GDPD5: variants seen among roughly 807,000 people sequenced by gnomAD.
GDPD5 encodes glycerophosphodiester phosphodiesterase 2.
GDPD5 carries 48 observed loss-of-function variants against 75.1 expected under a neutral mutation model. The observed-to-expected ratio is 0.64, with a 90% CI of 0.51 to 0.81. GDPD5 has a LOEUF of 0.81. GDPD5 is among the 40% of genes least tolerant of loss of function. GDPD5 has a pLI of 0.00. For missense variants in GDPD5, 706 were observed against 822.6 expected (o/e 0.86, Z 1.73); for synonymous variants, 336 against 339.0 (o/e 0.99, Z 0.10).
At chr11:75,482,803 T>C (rs916827327) in intron 2 of GDPD5, among the ~76,000 whole-genome samples, 3 of 152,164 alleles carry the variant, frequency 2.0e-5, no homozygotes, top group Non-Finnish European at 4.4e-5. Flanking sequence ...CCCATATCCC[T>C]GGCATGTCCC....
intron 2 of GDPD5, among the ~76,000 whole-genome samples, chr11:75,485,937 A>AC (rs1950013835): frequency 6.6e-6 from 1 of 151,612 alleles, no homozygotes. Flanking sequence ...ATGGAGAGAC[A>AC]CCCCCCTTCT....
chr11:75,500,903 ACTC>A (rs1302661175), intron 1 of GDPD5, among the ~76,000 whole-genome samples: 1 of 151,612 alleles, frequency 6.6e-6, no homozygotes, highest in African/African-American at 2.4e-5. Context: ...CACCACTCAA[ACTC>A]CTCCTGTAGG....
chr11:75,495,904 T>C (rs565481662), intron 1 of GDPD5, among the ~76,000 whole-genome samples: 1 of 152,376 alleles, frequency 6.6e-6, no homozygotes, highest in East Asian at 1.9e-4. Context: ...CAGCCAGCCC[T>C]GCCTTCCCCA....
At chr11:75,510,827 G>T (rs912910029) in intron 1 of GDPD5, among the ~76,000 whole-genome samples, 1 of 152,088 alleles carries the variant, frequency 6.6e-6, no homozygotes, top group African/African-American at 2.4e-5. Context: ...TCTGCCCAGG[G>T]TAATGGGTCC....
At chr11:75,496,720 C>A (rs1950215068) in intron 1 of GDPD5, among the ~76,000 whole-genome samples, 1 of 151,892 alleles carries the variant, frequency 6.6e-6, no homozygotes, top group African/African-American at 2.4e-5. Context: ...TGTACGCTAT[C>A]TGACGCCTCT....
intron 3 of GDPD5, among the ~76,000 whole-genome samples, chr11:75,475,183 A>ACT (rs1362064109): frequency 6.6e-6 from 1 of 152,042 alleles, no homozygotes; most frequent in Non-Finnish European, 1.5e-5. Context: ...ATGCCTCGTG[A>ACT]CTCTCCCACC....
At chr11:75,447,940 C>T (rs1160888927) in intron 9 of GDPD5, among the ~76,000 whole-genome samples, 2 of 152,220 alleles carry the variant, frequency 1.3e-5, no homozygotes, top group Admixed American at 1.3e-4. Flanking sequence ...CTGGGAGGGA[C>T]TGGGGTCAGC....
chr11:75,464,861 C>G (rs1320672671), intron 3 of GDPD5, among the ~76,000 whole-genome samples: 2 of 152,040 alleles, frequency 1.3e-5, no homozygotes, highest in Admixed American at 1.3e-4. Context: ...CAATCGAACC[C>G]TAGGAGCTGC....
rs147878338 is a variant in GDPD5, at chr11:75,498,411, G to A, written c.-144-8091C>T. On this transcript the variant is annotated intron_variant, in intron 1 of 16. Coordinates refer to ENST00000336898, the MANE Select transcript of GDPD5 (RefSeq NM_030792.8). ...GAAAAGCCAAATTCAACTCAGGTGG[G>A]GATGGGCCACAGTGGCTTTGATGTC... Among the ~76,000 whole-genome samples, 777 of 152,300 alleles carry A rather than the reference G, an allele frequency of 5.1e-3. 8 individuals carry two copies. The highest frequency in any genetic ancestry group is 0.018 in the African/African-American group (747 of 41,560).
intron 5 of GDPD5, 28 bp from the exon 6 acceptor site, chr11:75,456,844 C>T (rs752896226): frequency 6.2e-7 from 1 of 1,611,932 alleles, no homozygotes; most frequent in South Asian, 1.1e-5. Flanking sequence ...GGGTGATTGT[C>T]AGGCCCGTGT....
At chr11:75,455,261 G>T in intron 6 of GDPD5, 1 of 454,604 alleles carries the variant, frequency 2.2e-6, no homozygotes, top group Non-Finnish European at 4.4e-6. Flanking sequence ...AGCCCCACCC[G>T]GGGTGCCAGC....
chr11:75,495,278 C>T (rs1950189388), intron 1 of GDPD5, among the ~76,000 whole-genome samples: 1 of 150,114 alleles, frequency 6.7e-6, no homozygotes, highest in African/African-American at 2.4e-5. Context: ...CACACACACA[C>T]ACACACTATA....
intron 2 of GDPD5, chr11:75,479,239 C>G (rs1215775944): frequency 6.6e-6 from 1 of 152,244 alleles, no homozygotes; most frequent in Non-Finnish European, 1.5e-5. Flanking sequence ...TTGCCGATGA[C>G]AAACCTGGGG....
At chr11:75,439,160 G>T (rs1287753326) in intron 15 of GDPD5, among the ~76,000 whole-genome samples, 1 of 152,242 alleles carries the variant, frequency 6.6e-6, no homozygotes, top group Non-Finnish European at 1.5e-5. Flanking sequence ...CACGGCAGTG[G>T]GACGGGAGGA....
intron 2 of GDPD5, among the ~76,000 whole-genome samples, chr11:75,487,689 G>A (rs1372365179): frequency 1.3e-5 from 2 of 152,246 alleles, no homozygotes; most frequent in Admixed American, 6.5e-5. Flanking sequence ...AGAGGCGAAG[G>A]TAGACTAGCT....
chr11:75,464,875 C>T (rs1046587077), intron 3 of GDPD5, among the ~76,000 whole-genome samples: 1 of 152,016 alleles, frequency 6.6e-6, no homozygotes, highest in African/African-American at 2.4e-5. Flanking sequence ...GAGCTGCCAC[C>T]CAGAGAATGG....
intron 8 of GDPD5, 30 bp downstream of exon 8, chr11:75,449,487 G>T: frequency 6.5e-7 from 1 of 1,535,072 alleles, no homozygotes; most frequent in Non-Finnish European, 8.8e-7. Flanking sequence ...GCAGGGATTG[G>T]AGGGGCAGGC....
At chr11:75,477,152 T>TTTC (rs1949796487) in intron 3 of GDPD5, among the ~76,000 whole-genome samples, 2 of 152,226 alleles carry the variant, frequency 1.3e-5, no homozygotes, top group Admixed American at 1.3e-4. Flanking sequence ...TTTATCCGGC[T>TTTC]GTGCACCTGC....
In GDPD5 at chr11:75,435,629, C is replaced by T. The variant is rs749608394; in HGVS notation, c.1696G>A (p.Asp566Asn). The change falls in exon 17 of 17, where the codon GAT becomes AAT. Residue 566 changes from aspartate (D) to asparagine (N), a missense_variant. Asp to Asn is a conservative substitution (Grantham distance 23). Transcript: ENST00000336898. ...TTGTCTGAACATACGGAGAGCACAT[C>T]GGAGACCTCTACACCATCGCTGATC... ...SEISDGVEVS[D>N]VLSVCSDNSY... 5.0e-6 allele frequency: 8 copies of T among 1,613,276 alleles called. No homozygotes were observed. The highest frequency in any genetic ancestry group is 2.7e-5 in the African/African-American group (2 of 75,034).
Sources: allele counts gnomAD v4.1 joint callset (sites outside exome capture counted in the v4.1 genomes callset), GRCh38; gene constraint gnomAD v4.1.1; transcripts MANE v1.5; gene names NCBI Gene and HGNC (gene_info 2026-07-23, HGNC 2026-07-21).